The following ZNF600 variants were observed in gnomAD, a reference collection of about 807,000 sequenced individuals.
The protein encoded by ZNF600 is zinc finger protein KR-ZNF1.
In ZNF600, 4 loss-of-function variants were observed where a neutral mutation model predicts 7.3. The ratio of observed to expected loss-of-function variants is 0.55; its 90% confidence interval spans 0.27 to 1.25. The LOEUF (loss-of-function observed/expected upper bound fraction) is 1.25, where lower values mean the gene tolerates loss of function less well. ZNF600 is among the 50% of genes most tolerant of loss of function. ZNF600 has a pLI of 0.12. For missense variants in ZNF600, 911 were observed against 922.1 expected, an observed-to-expected ratio of 0.99 and a Z score of 0.16; for synonymous variants, 290 against 308.9, an observed-to-expected ratio of 0.94 and a Z score of 0.64.
intron 1 of ZNF600, among the ~76,000 whole-genome samples, chr19:52,783,657 G>A (rs1034401776): frequency 6.6e-6 from 1 of 152,100 alleles, no homozygotes; most frequent in East Asian, 1.9e-4. Context: ...CACTGCACCT[G>A]GCCTCCCTTC....
chr19:52,798,489 C>A, the ZNF600 span: 1 of 498,018 alleles, frequency 2.0e-6, no homozygotes, highest in Non-Finnish European at 4.1e-6. Flanking sequence ...TGATCTCGGA[C>A]TGAAGACCTT....
Position 52,774,717 on chromosome 19 carries a change from C to G in ZNF600, c.64-16G>C, listed in dbSNP as rs565938290. On this transcript the variant is annotated splice_polypyrimidine_tract_variant and intron_variant, in intron 2 of 3. Transcript: ENST00000648973. ...TCAAGCGTCCCTAAAATGAAACACACATTTCCACAAAACATTATGGAGGAT... is the reference window on the plus strand; with the variant it reads ...TCAAGCGTCCCTAAAATGAAACACAGATTTCCACAAAACATTATGGAGGAT... 5 of 985,414 alleles carry G rather than the reference C, an allele frequency of 5.1e-6. No homozygotes were observed. In the South Asian group the frequency reaches 2.3e-4, roughly 46 times the overall value. The allele number at this position is 985,414 out of a possible 1,614,324, so 61.0% of individuals were successfully genotyped here. A position where few individuals can be genotyped will look rare whatever the true frequency, so the allele number is the denominator to read the frequency against.
the ZNF600 span, among the ~76,000 whole-genome samples, chr19:52,829,749 C>T: frequency 0.45 from 68,109 of 151,178 alleles, 16,847 homozygotes; most frequent in Non-Finnish European, 0.57. Context: ...TCGCCTCAAG[C>T]GATCTACCCC....
chr19:52,818,963 T>C, the ZNF600 span, among the ~76,000 whole-genome samples: 13 of 139,272 alleles, frequency 9.3e-5, 1 homozygote, highest in African/African-American at 3.7e-4. Flanking sequence ...TGATAGACAC[T>C]GATGGGCAGA....
the ZNF600 span, among the ~76,000 whole-genome samples, chr19:52,825,134 A>G: frequency 2.6e-5 from 4 of 152,212 alleles, no homozygotes; most frequent in African/African-American, 9.6e-5. Context: ...AGGAAATGCC[A>G]CGTCCTAGAA....
At chr19:52,765,586 A>C (rs1199170171) in exon 4 of ZNF600, 1 of 1,613,780 alleles carries the variant, frequency 6.2e-7, no homozygotes, top group African/African-American at 1.3e-5. Context: ...CAATCATTAC[A>C]TTAGTCAAGT....
intron 1 of ZNF600, among the ~76,000 whole-genome samples, chr19:52,780,065 G>A (rs2062708086): frequency 6.6e-6 from 1 of 152,032 alleles, no homozygotes; most frequent in African/African-American, 2.4e-5. Flanking sequence ...ACATTTCTCT[G>A]TGACCTGGAA....
intron 3 of ZNF600, among the ~76,000 whole-genome samples, chr19:52,774,006 C>T (rs948213222): frequency 1.3e-5 from 2 of 152,036 alleles, no homozygotes; most frequent in Non-Finnish European, 2.9e-5. Context: ...GCGTGTGCCA[C>T]TACACCCAGC....
chr19:52,832,398 G>C, the ZNF600 span, among the ~76,000 whole-genome samples: 1 of 151,922 alleles, frequency 6.6e-6, no homozygotes, highest in African/African-American at 2.4e-5. Context: ...TTCCTGACCA[G>C]CCTGACCAAT....
chr19:52,810,685 A>T, the ZNF600 span: 13 of 845,068 alleles, frequency 1.5e-5, no homozygotes, highest in Non-Finnish European at 2.7e-5. Context: ...GGCTAGAGCG[A>T]CATCACGGTA....
the ZNF600 span, among the ~76,000 whole-genome samples, chr19:52,809,218 C>T: frequency 6.6e-6 from 1 of 152,128 alleles, no homozygotes; most frequent in South Asian, 2.1e-4. Context: ...CTTTCAACTG[C>T]CTGACCTGGA....
rs368153784 is a variant in ZNF600, at chr19:52,785,962, C to T, written c.-20+633G>A. ...CACTTTTGCTGTCTCTTGGCAAATT[C>T]CTAACCCATCCTCTACTTTGCCATC... is the stretch of plus-strand genomic sequence containing the variant. On this transcript the variant is annotated intron_variant, in intron 1 of 3. Coordinates refer to ENST00000648973, the Ensembl canonical transcript of ZNF600. Among the ~76,000 whole-genome samples, 8 of 152,216 alleles carry T rather than the reference C, an allele frequency of 5.3e-5. No homozygotes were observed. In the East Asian group the frequency reaches 1.5e-3, roughly 29 times the overall value.
chr19:52,817,496 T>C, the ZNF600 span, among the ~76,000 whole-genome samples: 8,507 of 152,206 alleles, frequency 0.056, 323 homozygotes, highest in African/African-American at 0.11. Context: ...CCTAAAAATG[T>C]GGTATAAAAT....
exon 4 of ZNF600, chr19:52,767,492 T>C: frequency 6.2e-7 from 1 of 1,614,076 alleles, no homozygotes; most frequent in East Asian, 2.2e-5. Flanking sequence ...AAAAGCTTGA[T>C]CCAAGCTGAT....
At chr19:52,766,586 G>A (rs562524717) in exon 4 of ZNF600, 3 of 1,613,760 alleles carry the variant, frequency 1.9e-6, no homozygotes, top group East Asian at 2.2e-5. Flanking sequence ...CCTTGTCACA[G>A]ACCTTACATT....
At chr19:52,824,253 T>G in the ZNF600 span, among the ~76,000 whole-genome samples, 1 of 152,160 alleles carries the variant, frequency 6.6e-6, no homozygotes, top group Non-Finnish European at 1.5e-5. Context: ...CTTTAAGTTT[T>G]TCTTACATAG....
At chr19:52,831,168 G>A in the ZNF600 span, among the ~76,000 whole-genome samples, 26 of 152,130 alleles carry the variant, frequency 1.7e-4, no homozygotes, top group South Asian at 6.2e-4. Context: ...TAAAGTCTAC[G>A]AGGAGTGCAG....
At chr19:52,807,938 G>A in the ZNF600 span, 8 of 1,605,164 alleles carry the variant, frequency 5.0e-6, no homozygotes, top group Non-Finnish European at 6.0e-6. Flanking sequence ...GTAAGGATGT[G>A]GCTCCCAAGA....
chr19:52,806,252 G>T, the ZNF600 span, among the ~76,000 whole-genome samples: 1 of 151,908 alleles, frequency 6.6e-6, no homozygotes, highest in Non-Finnish European at 1.5e-5. Flanking sequence ...GGAGTGCAAC[G>T]GTGCGATCTC....
Sources: gnomAD v4.1 joint callset for allele counts (sites outside exome capture counted in the v4.1 genomes callset) on GRCh38, gnomAD v4.1.1 for gene constraint, MANE v1.5 for transcripts, NCBI Gene and HGNC (gene_info 2026-07-23, HGNC 2026-07-21) for gene names.